Variants in CDK5RAP2 observed in about 807,000 individuals in gnomAD.
The protein encoded by CDK5RAP2 is CDK5 regulatory subunit-associated protein 2.
A neutral mutation model predicts 232.9 loss-of-function variants in CDK5RAP2; 147 were observed. That is an observed-to-expected ratio of 0.63 (90% CI 0.55 to 0.72). CDK5RAP2 has a LOEUF of 0.72. CDK5RAP2 is among the 30% of genes least tolerant of loss of function. The probability of loss-of-function intolerance (pLI) is 0.00; values close to 1 mark genes in which losing one functional copy is unlikely to be tolerated. For synonymous variants in CDK5RAP2, 833 were observed against 833.7 expected (o/e 1.00, Z 0.01); for missense variants, 2,195 against 2,231.5 (o/e 0.98, Z 0.33).
At chr9:120,570,717 T>A (rs2042822419) in intron 2 of CDK5RAP2, among the ~76,000 whole-genome samples, 2 of 152,124 alleles carry the variant, frequency 1.3e-5, no homozygotes, top group Admixed American at 6.5e-5. Context: ...CACGTGCCTG[T>A]AATCCCAGCT....
At chr9:120,465,523 C>A (rs1409309360) in intron 18 of CDK5RAP2, among the ~76,000 whole-genome samples, 2 of 151,930 alleles carry the variant, frequency 1.3e-5, no homozygotes, top group Non-Finnish European at 2.9e-5. Context: ...GGGCCAGCAT[C>A]TTAGAAAGAA....
intron 27 of CDK5RAP2, among the ~76,000 whole-genome samples, 183 bp from the exon 28 acceptor site, chr9:120,415,342 C>G (rs1309417911): frequency 6.6e-6 from 1 of 152,238 alleles, no homozygotes; most frequent in Non-Finnish European, 1.5e-5. Flanking sequence ...AGACACACTT[C>G]TGTAATGATT....
chr9:120,479,486 T>C (rs565845145), intron 14 of CDK5RAP2, among the ~76,000 whole-genome samples: 1 of 152,302 alleles, frequency 6.6e-6, no homozygotes, highest in Non-Finnish European at 1.5e-5. Flanking sequence ...CTTGATAAAG[T>C]TATCAAAGTT....
At chr9:120,416,412 G>A (rs2034222610) in intron 27 of CDK5RAP2, among the ~76,000 whole-genome samples, 1 of 152,146 alleles carries the variant, frequency 6.6e-6, no homozygotes, top group South Asian at 2.1e-4. Context: ...CTGCAAGGAA[G>A]ACTAAATATA....
chr9:120,485,249 AC>A (rs1463940311), intron 14 of CDK5RAP2, among the ~76,000 whole-genome samples: 1 of 151,388 alleles, frequency 6.6e-6, no homozygotes, highest in Non-Finnish European at 1.5e-5. Flanking sequence ...AAAATACCCA[AC>A]CTGTCCAATA....
intron 13 of CDK5RAP2, among the ~76,000 whole-genome samples, chr9:120,489,084 T>C (rs942117531): frequency 3.7e-4 from 56 of 152,388 alleles, no homozygotes; most frequent in African/African-American, 1.3e-3. Flanking sequence ...GCCTTTATTC[T>C]GCCCTCACAC....
chr9:120,471,684 G>C (rs1194525703), intron 16 of CDK5RAP2, 64 bp downstream of exon 16: 1 of 1,610,146 alleles, frequency 6.2e-7, no homozygotes, highest in African/African-American at 1.3e-5. Context: ...GGACTCTCCT[G>C]AAGTTCAGTC....
intron 27 of CDK5RAP2, among the ~76,000 whole-genome samples, chr9:120,418,206 G>A (rs1011170970): frequency 6.6e-6 from 1 of 152,214 alleles, no homozygotes; most frequent in African/African-American, 2.4e-5. Context: ...CACTGCCCCA[G>A]TTCAGGTAAC....
chr9:120,477,373 G>C lies in CDK5RAP2; in HGVS notation c.1704C>G (p.Val568=), dbSNP rs759046562. ...ACCTGTCTGATTCCTGCAGAGATTT[G>C]ACCAGATGGGTATAGATGTCCTGCT... The part of the protein sequence containing the change: ...KKEQDIYTHL[V]KSLQESDSIN... Residue 568 remains valine, a synonymous_variant, in exon 15 of 38, where the codon GTC becomes GTG. Transcript: ENST00000349780. The C allele has an allele frequency of 6.2e-7, 1 of 1,613,430 alleles. No homozygotes were observed. The highest frequency in any genetic ancestry group is 2.2e-5 in the East Asian group (1 of 44,902).
chr9:120,570,798 C>T (rs2042826172), intron 2 of CDK5RAP2, among the ~76,000 whole-genome samples: 1 of 152,128 alleles, frequency 6.6e-6, no homozygotes, highest in African/African-American at 2.4e-5. Context: ...GAGATCACAC[C>T]ACTGCACTCC....
intron 25 of CDK5RAP2, among the ~76,000 whole-genome samples, chr9:120,436,936 A>C (rs1215465213): frequency 6.6e-6 from 1 of 152,196 alleles, no homozygotes; most frequent in African/African-American, 2.4e-5. Flanking sequence ...TCACAAAAAA[A>C]AATAAATAAA....
rs1357150940 is a variant in CDK5RAP2 at position 120,403,032 on chromosome 9, G to C, written c.5081C>G (p.Ser1694Cys). 1 of 1,614,184 alleles carries C rather than the reference G, an allele frequency of 6.2e-7. No individual in the cohort carries two copies. The highest frequency in any genetic ancestry group is 2.2e-5 in the East Asian group (1 of 44,886). ...TPPLSGNDTD[S>C]LSCDSGSSAT... is the part of the protein sequence containing the mutation. ...CGAACTGCCACTGTCGCAGGAGAGGGAGTCCGTGTCATTCCCAGAGAGTGG... is the reference window on the plus strand; with the variant it reads ...CGAACTGCCACTGTCGCAGGAGAGGCAGTCCGTGTCATTCCCAGAGAGTGG... The change falls in exon 34 of 38, where the codon TCC (serine) becomes TGC (cysteine). Residue 1694 changes from serine to cysteine, a missense_variant. Coordinates refer to ENST00000349780, the MANE Select transcript of CDK5RAP2 (RefSeq NM_018249.6). The surrounding 1 kb of genome is among the most constrained non-coding windows in gnomAD (Gnocchi z 4.2).
At chr9:120,493,898 C>T (rs2039026763) in intron 12 of CDK5RAP2, among the ~76,000 whole-genome samples, 2 of 152,230 alleles carry the variant, frequency 1.3e-5, no homozygotes, top group South Asian at 4.1e-4. Context: ...TTGAGACCAG[C>T]TTGGCCAACA....
chr9:120,516,825 T>C (rs1216887859), intron 12 of CDK5RAP2, among the ~76,000 whole-genome samples: 1 of 152,076 alleles, frequency 6.6e-6, no homozygotes, highest in African/African-American at 2.4e-5. Context: ...TGAAACTCTG[T>C]CCCAAAAAAT....
intron 12 of CDK5RAP2, among the ~76,000 whole-genome samples, chr9:120,515,048 T>C (rs2040267320): frequency 6.6e-6 from 1 of 152,046 alleles, no homozygotes; most frequent in African/African-American, 2.4e-5. Context: ...TATTATATAT[T>C]ATCGAGAGAG....
intron 13 of CDK5RAP2, among the ~76,000 whole-genome samples, 163 bp downstream of exon 13, chr9:120,491,144 T>TA (rs2038882891): frequency 6.6e-6 from 1 of 152,202 alleles, no homozygotes; most frequent in African/African-American, 2.4e-5. Context: ...TCACCACACT[T>TA]ACCTCCCTGG....
chr9:120,521,440 T>A (rs558422098), intron 11 of CDK5RAP2, among the ~76,000 whole-genome samples: 2 of 152,216 alleles, frequency 1.3e-5, no homozygotes, highest in East Asian at 3.9e-4. Context: ...GGTAACTGAA[T>A]CATGGGGGCA....
At chr9:120,471,903 T>C in intron 15 of CDK5RAP2, 25 bp from the exon 16 acceptor site, 1 of 1,613,800 alleles carries the variant, frequency 6.2e-7, no homozygotes. Flanking sequence ...ACACCAGAAG[T>C]TTTAAAACAG....
At chr9:120,445,055 T>C (rs2036106844) in intron 22 of CDK5RAP2, among the ~76,000 whole-genome samples, 1 of 152,210 alleles carries the variant, frequency 6.6e-6, no homozygotes, top group Non-Finnish European at 1.5e-5. Flanking sequence ...CCTGCCCTGG[T>C]ACTCATTTCC....
Sources: allele counts gnomAD v4.1 joint callset (sites outside exome capture counted in the v4.1 genomes callset), GRCh38; gene constraint gnomAD v4.1.1; non-coding constraint Gnocchi (gnomAD v3.1); transcripts MANE v1.5; gene names NCBI Gene and HGNC (gene_info 2026-07-23, HGNC 2026-07-21).